Variants in MIA2 observed in about 807,000 individuals in gnomAD.
MIA2 encodes the protein melanoma inhibitory activity protein 2.
Under a neutral mutation model 167.8 loss-of-function variants are expected in MIA2, and 127 were observed. The observed-to-expected ratio is 0.76, with a 90% CI of 0.66 to 0.88. MIA2 has a LOEUF of 0.88. Among genes scored for constraint, MIA2 ranks in the 40% least tolerant of loss-of-function variants. The probability of loss-of-function intolerance (pLI) is 0.00; values close to 1 mark genes in which losing one functional copy is unlikely to be tolerated. For missense variants in MIA2, 1,690 were observed against 1,624.7 expected, an observed-to-expected ratio of 1.04 and a Z score of -0.69; for synonymous variants, 552 against 541.9, an observed-to-expected ratio of 1.02 and a Z score of -0.26.
At chr14:39,367,048 C>T (rs2139306020) in intron 23 of MIA2, among the ~76,000 whole-genome samples, 1 of 152,326 alleles carries the variant, frequency 6.6e-6, no homozygotes, top group East Asian at 1.9e-4. Context: ...CGCAGTTGTG[C>T]TGTGGCCCTG....
At chr14:39,387,263 A>G (rs1398150222) in exon 24 of MIA2, 1 of 304,172 alleles carries the variant, frequency 3.3e-6, no homozygotes, top group African/African-American at 2.2e-5. Flanking sequence ...CATTCAGAGT[A>G]TTTGTGATTC....
intron 1 of MIA2, among the ~76,000 whole-genome samples, chr14:39,234,954 C>A (rs1304053285): frequency 6.6e-6 from 1 of 151,614 alleles, no homozygotes; most frequent in East Asian, 1.9e-4. Context: ...AGTTATTTTT[C>A]CTTTTGTTTT....
chr14:39,293,209 C>A, intron 10 of MIA2, 62 bp from the exon 11 acceptor site: 2 of 1,095,166 alleles, frequency 1.8e-6, no homozygotes, highest in Middle Eastern at 2.8e-4. Context: ...TTATTATGCT[C>A]GTCTGATTTC....
At chr14:39,371,200 T>C (rs1270876437) in intron 23 of MIA2, among the ~76,000 whole-genome samples, 1 of 152,238 alleles carries the variant, frequency 6.6e-6, no homozygotes, top group African/African-American at 2.4e-5. Context: ...GATTTTTAAA[T>C]ATATATGATG....
chr14:39,267,788 A>G (rs1164576815), intron 6 of MIA2, among the ~76,000 whole-genome samples: 1 of 152,172 alleles, frequency 6.6e-6, no homozygotes, highest in Non-Finnish European at 1.5e-5. Context: ...AAAGATGTAA[A>G]TGTTTCCCGA....
intron 12 of MIA2, 55 bp from the exon 13 acceptor site, chr14:39,294,870 A>T (rs2061208404): frequency 2.6e-6 from 3 of 1,160,864 alleles, no homozygotes; most frequent in Non-Finnish European, 3.9e-6. Flanking sequence ...ATGTGTAAAG[A>T]TGAGCTATGT....
At chr14:39,292,781 GA>G (rs2060906561) in intron 10 of MIA2, 1 of 184,910 alleles carries the variant, frequency 5.4e-6, no homozygotes, top group African/African-American at 2.4e-5. Context: ...AAAGGTCATA[GA>G]AAATAGGTCT....
intron 6 of MIA2, among the ~76,000 whole-genome samples, chr14:39,273,429 T>G (rs2057470033): frequency 6.6e-6 from 1 of 152,092 alleles, no homozygotes; most frequent in Non-Finnish European, 1.5e-5. Flanking sequence ...CATGATTCAC[T>G]GCCGTCTCGA....
intron 3 of MIA2, among the ~76,000 whole-genome samples, chr14:39,246,238 A>C (rs1194136244): frequency 6.6e-6 from 1 of 151,920 alleles, no homozygotes; most frequent in Non-Finnish European, 1.5e-5. Context: ...CTGGGACTAC[A>C]GGCGCCCACC....
At chr14:39,300,247 A>G (rs1393405052) in intron 14 of MIA2, among the ~76,000 whole-genome samples, 1 of 152,208 alleles carries the variant, frequency 6.6e-6, no homozygotes, top group Non-Finnish European at 1.5e-5. Context: ...AGAAATAAAA[A>G]TAATGGTTTC....
chr14:39,300,132 C>A, intron 14 of MIA2, 146 bp downstream of exon 14: 1 of 992,606 alleles, frequency 1.0e-6, no homozygotes, highest in Non-Finnish European at 1.4e-6. Context: ...TTCTTGAAGA[C>A]TTACAGATTT....
chr14:39,378,345 T>C (rs1225982765), intron 23 of MIA2, among the ~76,000 whole-genome samples: 1 of 152,222 alleles, frequency 6.6e-6, no homozygotes, highest in Non-Finnish European at 1.5e-5. Context: ...GTGCTCAATA[T>C]TGGATCAGCA....
At position 39,386,906 on chromosome 14, in the gene MIA2, CAGGAGCCCCGGCT is replaced by C. The variant is rs1374637254; in HGVS notation, c.2271_2283del (p.Gly758GlnfsTer5). 6.4e-6 allele frequency: 5 copies of C among 787,316 alleles called. No individual in the cohort carries two copies. In the Admixed American group the frequency reaches 1.1e-4, roughly 17 times the overall value. 48.8% of individuals were successfully genotyped at this position (787,316 alleles called of 1,614,324 possible). A position where few individuals can be genotyped will look rare whatever the true frequency, so the allele number is the denominator to read the frequency against. ...CCAGGCGCACGCTCTCCGCCCGGGG[CAGGAGCCCCGGCT>C]TCAGGTAGGGGCCTAGGAGGGCCCC... On this transcript the variant is annotated frameshift_variant, in exon 24 of 24. Coordinates refer to the MIA2 transcript ENST00000341502. LOFTEE classifies it high-confidence loss of function.
chr14:39,377,053 C>T (rs1453914354), intron 23 of MIA2, among the ~76,000 whole-genome samples: 1 of 152,044 alleles, frequency 6.6e-6, no homozygotes, highest in Non-Finnish European at 1.5e-5. Context: ...CCCCACTTTT[C>T]TTTTTAAAAT....
chr14:39,238,797 A>AAAAAAAAAAAAG (rs2053896020), intron 2 of MIA2, among the ~76,000 whole-genome samples: 2 of 144,130 alleles, frequency 1.4e-5, no homozygotes, highest in South Asian at 4.4e-4. Flanking sequence ...CTGTCTCAAA[A>AAAAAAAAAAAAG]AAAAAAAAAA....
intron 9 of MIA2, among the ~76,000 whole-genome samples, chr14:39,288,743 G>C (rs1595111228): frequency 6.6e-6 from 1 of 151,712 alleles, no homozygotes. Context: ...TTACATGCGT[G>C]AGCCACTGTG....
chr14:39,349,191 A>G (rs1186879520), intron 28 of MIA2, among the ~76,000 whole-genome samples: 1 of 152,208 alleles, frequency 6.6e-6, no homozygotes, highest in East Asian at 1.9e-4. Context: ...TTAATAATAT[A>G]GAATTATTTC....
intron 6 of MIA2, chr14:39,267,366 G>T: frequency 6.3e-7 from 1 of 1,587,406 alleles, no homozygotes; most frequent in South Asian, 1.1e-5. Flanking sequence ...GTGCGGATTC[G>T]GGTTCCGGAC....
chr14:39,322,421 G>A (rs1456194059), intron 24 of MIA2, among the ~76,000 whole-genome samples: 1 of 151,748 alleles, frequency 6.6e-6, no homozygotes, highest in East Asian at 1.9e-4. Context: ...GGCGCCTGTA[G>A]TCCCAGCTAC....
Sources: allele counts gnomAD v4.1 joint callset (sites outside exome capture counted in the v4.1 genomes callset), GRCh38; gene constraint gnomAD v4.1.1; transcripts MANE v1.5; gene names NCBI Gene and HGNC (gene_info 2026-07-23, HGNC 2026-07-21).